Variants in REXO1 observed in about 807,000 individuals in gnomAD.
REXO1 encodes REX1, RNA exonuclease 1 homolog.
REXO1 carries 42 observed loss-of-function variants against 102.6 expected under a neutral mutation model. The ratio of observed to expected loss-of-function variants is 0.41; its 90% CI spans 0.32 to 0.53. The LOEUF is 0.53. Ranked by LOEUF, REXO1 falls within the 20% of genes least tolerant of loss-of-function variation. The pLI, the probability that REXO1 is intolerant of heterozygous loss-of-function variation, is 0.27. For synonymous variants in REXO1, 908 were observed against 779.1 expected (o/e 1.17, Z -2.76); for missense variants, 1,819 against 1,732.5 (o/e 1.05, Z -0.89).
At chr19:1,828,857 G>A (rs1009892772) in intron 1 of REXO1, among the ~76,000 whole-genome samples, 2 of 152,262 alleles carry the variant, frequency 1.3e-5, no homozygotes, top group Non-Finnish European at 2.9e-5. Flanking sequence ...GGCGCTGGAT[G>A]GGCCTGGGCT....
intron 1 of REXO1, among the ~76,000 whole-genome samples, chr19:1,844,613 C>T (rs2011452440): frequency 1.3e-5 from 2 of 152,220 alleles, no homozygotes. Context: ...CTGCCCTCTA[C>T]AGATGCAGTT....
At chr19:1,829,733 G>A (rs2145291880) in intron 1 of REXO1, among the ~76,000 whole-genome samples, 1 of 151,930 alleles carries the variant, frequency 6.6e-6, no homozygotes. Flanking sequence ...GCTTGAACCT[G>A]GGAGGCAGAG....
chr19:1,820,302 G>A lies in REXO1; in HGVS notation c.2488C>T (p.Leu830Phe), dbSNP rs944916207. Residue 830 changes from leucine to phenylalanine, a missense_variant, in exon 6 of 16, where the codon CTC becomes TTC. Physicochemically the swap from Leu to Phe is conservative, Grantham distance 22. Coordinates refer to ENST00000170168, the MANE Select transcript of REXO1 (RefSeq NM_020695.4). ...RYLNLFIEEC[L>F]KFCTSNQEAI... The stretch of plus-strand genomic sequence containing the variant: ...TCCTGGTTGGAGGTACAGAACTTGA[G>A]ACACTCCTCGATGAACAGGTTGAGA... The A allele has an allele frequency of 1.2e-6, 2 of 1,613,802 alleles. No homozygotes were observed. Among genetic ancestry groups the A allele is most frequent in the South Asian group, 1.1e-5 (1 of 91,080 alleles).
At chr19:1,825,255 G>A (rs1227800213) in intron 3 of REXO1, among the ~76,000 whole-genome samples, 7 of 138,992 alleles carry the variant, frequency 5.0e-5, no homozygotes, top group South Asian at 4.7e-4. Flanking sequence ...AGCAGAGATC[G>A]TGCCACTGCA....
chr19:1,831,403 G>A (rs867582803), intron 1 of REXO1, among the ~76,000 whole-genome samples: 5 of 152,102 alleles, frequency 3.3e-5, no homozygotes, highest in African/African-American at 7.2e-5. Context: ...TAAGACTTCC[G>A]TGCAGAGAAA....
At position 1,848,473 on chromosome 19, in the gene REXO1, C is replaced by T. The variant is rs1475003532; in HGVS notation, c.-115G>A. On this transcript the variant is annotated 5_prime_UTR_variant, in exon 1 of 16. Coordinates refer to ENST00000170168, the MANE Select transcript of REXO1 (RefSeq NM_020695.4). ...CGGACCCCGCCGCCGCCATCTTGCT[C>T]CGAGGCCCCCGGAGGCCCTCGGGAC... The T allele has an allele frequency of 5.0e-6, 4 of 796,874 alleles. No individual in the cohort carries two copies. The highest frequency in any genetic ancestry group is 9.3e-5 in the East Asian group (1 of 10,810). The allele number at this position is 796,874 out of a possible 1,614,324, so 49.4% of individuals were successfully genotyped here.
intron 1 of REXO1, among the ~76,000 whole-genome samples, chr19:1,845,250 T>C (rs149848994): frequency 4.6e-5 from 7 of 152,224 alleles, no homozygotes; most frequent in African/African-American, 1.4e-4. Flanking sequence ...AAGGCTGGGA[T>C]AGAACGTGCC....
At position 1,826,326 on chromosome 19, in the gene REXO1, A is replaced by G. The variant is rs921061318; in HGVS notation, c.1912-383T>C. ...GTGGCCAATTTGGGGACACGGGGCC[A>G]GGAGACCCAGGGGTCCAGGGCTGGC... On this transcript the variant is annotated intron_variant, in intron 2 of 15. Transcript: ENST00000170168. The surrounding 1 kb of genome is among the most constrained non-coding windows in gnomAD (Gnocchi z 4.3). 1.3e-5 allele frequency among the ~76,000 whole-genome samples: 2 copies of G among 152,020 alleles called. No homozygotes were observed. Among genetic ancestry groups the G allele is most frequent in the African/African-American group, 2.4e-5 (1 of 41,396 alleles).
At position 1,828,406 on chromosome 19, in the gene REXO1, G is replaced by C. The variant is rs751899214; in HGVS notation, c.383C>G (p.Ala128Gly). 1 of 1,607,442 alleles carries C rather than the reference G, an allele frequency of 6.2e-7. No homozygotes were observed. The highest frequency in any genetic ancestry group is 8.5e-7 in the Non-Finnish European group (1 of 1,177,228). ...EHRSAEAPAL[A>G]PRGPNASPTV... ...GGGGCTGGCGTTGGGGCCGCGGGGCGCCAGGGCGGGGGCCTCGGCGGAGCG... is the reference window on the plus strand; with the variant it reads ...GGGGCTGGCGTTGGGGCCGCGGGGCCCCAGGGCGGGGGCCTCGGCGGAGCG... The change falls in exon 2 of 16, where the codon GCG (alanine) becomes GGG (glycine). Residue 128 changes from alanine (A) to glycine (G), a missense_variant. Transcript: ENST00000170168.
chr19:1,820,155 C>G (rs1168582825), intron 6 of REXO1, 98 bp from the exon 7 acceptor site: 5 of 1,561,714 alleles, frequency 3.2e-6, no homozygotes, highest in Non-Finnish European at 4.3e-6. Flanking sequence ...GCATCTCTCC[C>G]AGGCAGCTCC....
chr19:1,821,845 T>C (rs1196184824), intron 4 of REXO1, 163 bp from the exon 5 acceptor site: 11 of 645,900 alleles, frequency 1.7e-5, no homozygotes, highest in Non-Finnish European at 2.9e-5. Flanking sequence ...GGCATCAGGC[T>C]CTAGCTGCCT....
intron 1 of REXO1, among the ~76,000 whole-genome samples, chr19:1,830,251 ATCATCTCAGCACTT>A (rs2069866595): frequency 6.6e-6 from 1 of 152,168 alleles, no homozygotes; most frequent in Non-Finnish European, 1.5e-5. Flanking sequence ...GCTCACGCCG[ATCATCTCAGCACTT>A]TGGGAGGCTG....
intron 13 of REXO1, 25 bp downstream of exon 13, chr19:1,816,673 A>C (rs1275359440): frequency 6.2e-7 from 1 of 1,607,674 alleles, no homozygotes; most frequent in Non-Finnish European, 8.5e-7. Context: ...GAGGGCTCCC[A>C]GCTCGTGGAG....
Position 1,821,574 on chromosome 19 carries a change from G to A in REXO1, c.2339C>T (p.Ser780Phe). The A allele has an allele frequency of 1.2e-6, 2 of 1,613,954 alleles. No homozygotes were observed. Among genetic ancestry groups the A allele is most frequent in the Non-Finnish European group, 1.7e-6 (2 of 1,179,916 alleles). Residue 780 changes from serine to phenylalanine, a missense_variant, in exon 5 of 16, where the codon TCC becomes TTC. Physicochemically the swap from Ser to Phe is radical, Grantham distance 155 (BLOSUM62 -2). Transcript: ENST00000170168. ...LKTRTLSGMA[S>F]KTTTTIIPKR... ...AGGGATGATGGTGGTGGTAGTCTTGGACGCCATCCCCGACAATGTGCGTGT... is the reference window on the plus strand; with the variant it reads ...AGGGATGATGGTGGTGGTAGTCTTGAACGCCATCCCCGACAATGTGCGTGT...
Position 1,815,895 on chromosome 19 carries a change from G to A in REXO1, c.*171C>T. The A allele has an allele frequency of 6.5e-7, 1 of 1,530,894 alleles. No homozygotes were observed. Among genetic ancestry groups the A allele is most frequent in the Non-Finnish European group, 8.7e-7 (1 of 1,144,124 alleles). The allele number at this position is 1,530,894 out of a possible 1,614,324, so 94.8% of individuals were successfully genotyped here. A position where few individuals can be genotyped will look rare whatever the true frequency, so the allele number is the denominator to read the frequency against. On this transcript the variant is annotated 3_prime_UTR_variant, in exon 16 of 16. Transcript: ENST00000170168. This position sits in a 1 kb window ranked among gnomAD's most constrained non-coding sequence, Gnocchi z 4.0. Reference sequence around the variant, plus strand: ...CCGGCGGAGGGGTGCGGCAGGACGTGAGCGGGGGTGGGCTGGGCTGGGCGT... The same window carrying A: ...CCGGCGGAGGGGTGCGGCAGGACGTAAGCGGGGGTGGGCTGGGCTGGGCGT...
intron 1 of REXO1, among the ~76,000 whole-genome samples, chr19:1,843,302 G>A (rs978261788): frequency 2.2e-4 from 33 of 152,096 alleles, no homozygotes; most frequent in African/African-American, 7.2e-4. Context: ...GCCACAGCTG[G>A]GCAAAGCTTC....
At position 1,816,794 on chromosome 19, in the gene REXO1, A is replaced by C. The variant is rs756075683; in HGVS notation, c.3221T>G (p.Leu1074Arg). ...DCEMSYTTYG[L>R]ELTRVTVVDT... is the part of the protein sequence containing the mutation. ...GACCACCGTGACGCGCGTCAGCTCC[A>C]GGCCATATGTGGTGTAGGACTGCGG... The change falls in exon 13 of 16, where the codon CTG becomes CGG. Residue 1074 changes from leucine (L) to arginine (R), a missense_variant. By Grantham distance (102) the Leu-to-Arg change is moderately radical. Transcript: ENST00000170168. The C allele has an allele frequency of 6.2e-7, 1 of 1,611,308 alleles. No homozygotes were observed. The highest frequency in any genetic ancestry group is 8.5e-7 in the Non-Finnish European group (1 of 1,179,548).
chr19:1,831,339 T>G (rs756831817), intron 1 of REXO1, among the ~76,000 whole-genome samples: 1 of 152,134 alleles, frequency 6.6e-6, no homozygotes, highest in Non-Finnish European at 1.5e-5. Flanking sequence ...TTTCTTCCAC[T>G]CAGAAAACCT....
intron 1 of REXO1, among the ~76,000 whole-genome samples, chr19:1,842,575 C>A (rs907633376): frequency 6.6e-6 from 1 of 152,260 alleles, no homozygotes; most frequent in Non-Finnish European, 1.5e-5. Flanking sequence ...GGCCCAGCAG[C>A]CAGGTTTTCA....
Sources: gnomAD v4.1 joint callset for allele counts (sites outside exome capture counted in the v4.1 genomes callset) on GRCh38, gnomAD v4.1.1 for gene constraint, Gnocchi (gnomAD v3.1) non-coding constraint, MANE v1.5 for transcripts, NCBI Gene and HGNC (gene_info 2026-07-23, HGNC 2026-07-21) for gene names.